The following HHAT variants were observed in gnomAD, a reference collection of about 807,000 sequenced individuals.
The protein encoded by HHAT is protein-cysteine N-palmitoyltransferase HHAT.
Under a neutral mutation model 70.8 loss-of-function variants are expected in HHAT, and 47 were observed. The ratio of observed to expected loss-of-function variants is 0.66; its 90% CI spans 0.53 to 0.85. The LOEUF (loss-of-function observed/expected upper bound fraction) is 0.85, where lower values mean the gene tolerates loss of function less well. Among genes scored for constraint, HHAT ranks in the 40% least tolerant of loss-of-function variants. HHAT has a pLI of 0.00. For synonymous variants in HHAT, 228 were observed against 247.6 expected (o/e 0.92, Z 0.74); for missense variants, 609 against 604.8 (o/e 1.01, Z -0.07).
intron 4 of HHAT, among the ~76,000 whole-genome samples, chr1:210,399,372 T>G: frequency 6.6e-6 from 1 of 152,174 alleles, no homozygotes; most frequent in East Asian, 1.9e-4. Flanking sequence ...TTCTCCTGCC[T>G]CAGCCTCCCG....
chr1:210,382,135 A>G (rs1023722161), intron 3 of HHAT, among the ~76,000 whole-genome samples: 19 of 152,170 alleles, frequency 1.2e-4, no homozygotes, highest in African/African-American at 4.6e-4. Context: ...AGAAGGAGGA[A>G]AGATTTACTC....
chr1:210,372,054 A>G (rs920641817), intron 3 of HHAT, among the ~76,000 whole-genome samples: 1 of 152,228 alleles, frequency 6.6e-6, no homozygotes, highest in Non-Finnish European at 1.5e-5. Context: ...CAACAAGTTT[A>G]TACTCTATTT....
chr1:210,606,628 A>G lies in HHAT; in HGVS notation c.1246-16898A>G, dbSNP rs79975252. ...CTTCCCTTCTCCTCTCTCCTTTAAC[A>G]AATCCCTGTTTCTTTGTGCTGGGTC... On this transcript the variant is annotated intron_variant, in intron 10 of 11. Coordinates refer to ENST00000261458, the MANE Select transcript of HHAT (RefSeq NM_018194.6). Among the ~76,000 whole-genome samples, 6 of 152,154 alleles carry G rather than the reference A, an allele frequency of 3.9e-5. No homozygotes were observed. In the East Asian group the frequency reaches 1.2e-3, roughly 29 times the overall value.
At chr1:210,429,476 C>T (rs2093176920) in intron 7 of HHAT, among the ~76,000 whole-genome samples, 2 of 151,836 alleles carry the variant, frequency 1.3e-5, no homozygotes, top group Admixed American at 1.3e-4. Flanking sequence ...GAATGTCCCA[C>T]ACACTGGATT....
Position 210,438,169 on chromosome 1 carries a change from C to T in HHAT, c.856+19844C>T, listed in dbSNP as rs531079390. Among the ~76,000 whole-genome samples, 6 of 137,258 alleles carry T rather than the reference C, an allele frequency of 4.4e-5. No homozygotes were observed. The South Asian group carries it at 9.0e-4, about 21-fold the overall frequency. The allele number at this position is 137,258 out of a possible 152,430, so 90.0% of individuals were successfully genotyped here. On this transcript the variant is annotated intron_variant, in intron 7 of 11. Transcript: ENST00000261458. ...ACTTAATTGTGACCTCAGGATTCTC[C>T]GTGTTTGTGTGTGTGTGTGTGTGTG...
chr1:210,486,867 C>G (rs572426262), intron 8 of HHAT, among the ~76,000 whole-genome samples: 1 of 152,286 alleles, frequency 6.6e-6, no homozygotes, highest in East Asian at 1.9e-4. Flanking sequence ...AAATCCTGCA[C>G]AGGCTGCCAG....
chr1:210,666,192 G>A (rs1162030808), intron 11 of HHAT, among the ~76,000 whole-genome samples: 1 of 152,230 alleles, frequency 6.6e-6, no homozygotes, highest in Non-Finnish European at 1.5e-5. Context: ...GTGAGCCTCT[G>A]ATGGGGTAAT....
At chr1:210,611,690 G>A (rs6681708) in intron 10 of HHAT, among the ~76,000 whole-genome samples, 25,809 of 152,104 alleles carry the variant, frequency 0.17, 2,919 homozygotes, top group Non-Finnish European at 0.25. Flanking sequence ...TCAATACCTA[G>A]TTTATTGAGA....
At chr1:210,632,071 C>T (rs1450504209) in intron 11 of HHAT, among the ~76,000 whole-genome samples, 9 of 152,154 alleles carry the variant, frequency 5.9e-5, no homozygotes, top group African/African-American at 9.7e-5. Context: ...TCCCAGCTGC[C>T]GGTGGCTGCC....
intron 9 of HHAT, among the ~76,000 whole-genome samples, chr1:210,525,607 T>C (rs1382389240): frequency 1.3e-5 from 2 of 152,200 alleles, no homozygotes; most frequent in South Asian, 2.1e-4. Flanking sequence ...TATATTTGAA[T>C]TTATTAATGA....
At chr1:210,540,235 C>T (rs1413919111) in intron 9 of HHAT, among the ~76,000 whole-genome samples, 1 of 152,132 alleles carries the variant, frequency 6.6e-6, no homozygotes, top group Non-Finnish European at 1.5e-5. Flanking sequence ...AGGCAATAAT[C>T]CTGTAATCTG....
intron 9 of HHAT, among the ~76,000 whole-genome samples, chr1:210,540,872 G>A (rs1346140214): frequency 6.6e-6 from 1 of 151,508 alleles, no homozygotes; most frequent in Admixed American, 6.6e-5. Context: ...ACAGTGTATC[G>A]CTCTGTTGCC....
chr1:210,565,764 G>A (rs1654578957), intron 9 of HHAT, among the ~76,000 whole-genome samples: 1 of 152,176 alleles, frequency 6.6e-6, no homozygotes, highest in South Asian at 2.1e-4. Flanking sequence ...GGAGAGTCAG[G>A]ACCAAGCAGT....
Position 210,582,562 on chromosome 1 carries a change from G to A in HHAT, c.1044-5336G>A, listed in dbSNP as rs186122062. ...AGTGTTGCGATTTTAAGATTAATGCGTTTACCACATGGATTGTTACCACCC... is the reference window on the plus strand; with the variant it reads ...AGTGTTGCGATTTTAAGATTAATGCATTTACCACATGGATTGTTACCACCC... On this transcript the variant is annotated intron_variant, in intron 9 of 11. Transcript: ENST00000261458. 1.7e-3 allele frequency among the ~76,000 whole-genome samples: 254 copies of A among 152,306 alleles called. 2 individuals are homozygous for A. Among genetic ancestry groups the A allele is most frequent in the Non-Finnish European group, 3.1e-3 (209 of 68,036 alleles).
Position 210,675,502 on chromosome 1 carries a change from A to C in HHAT, c.*1123A>C, listed in dbSNP as rs1487302125. ...TTTGGAGTGGGGAAGGGTATAAAGG[A>C]GGCTTAAAATTTGAATCCATAATAT... On this transcript the variant is annotated 3_prime_UTR_variant, in exon 12 of 12. Coordinates refer to ENST00000261458, the MANE Select transcript of HHAT (RefSeq NM_018194.6). 4 of 151,284 alleles carry C rather than the reference A, an allele frequency of 2.6e-5. No homozygotes were observed. Among genetic ancestry groups the C allele is most frequent in the African/African-American group, 9.7e-5 (4 of 41,088 alleles). 9.4% of individuals were successfully genotyped at this position (151,284 alleles called of 1,614,324 possible). A position where few individuals can be genotyped will look rare whatever the true frequency, so the allele number is the denominator to read the frequency against.
intron 9 of HHAT, among the ~76,000 whole-genome samples, chr1:210,574,384 A>T (rs888576809): frequency 6.6e-6 from 1 of 152,172 alleles, no homozygotes; most frequent in Admixed American, 6.5e-5. Flanking sequence ...GACTGATAAG[A>T]TGAAATTAGT....
intron 9 of HHAT, among the ~76,000 whole-genome samples, chr1:210,563,256 G>A (rs951116335): frequency 1.3e-5 from 2 of 152,150 alleles, no homozygotes; most frequent in Non-Finnish European, 2.9e-5. Flanking sequence ...TCCAAATATA[G>A]CTAAGAAAAT....
chr1:210,614,135 T>G (rs1423170521), intron 10 of HHAT, among the ~76,000 whole-genome samples: 1 of 152,122 alleles, frequency 6.6e-6, no homozygotes, highest in Non-Finnish European at 1.5e-5. Context: ...TTTGCCTCCC[T>G]AGTTAAGTTT....
chr1:210,626,092 G>A (rs1037375127), intron 11 of HHAT, among the ~76,000 whole-genome samples: 4 of 152,190 alleles, frequency 2.6e-5, no homozygotes, highest in Non-Finnish European at 5.9e-5. Context: ...GGGGTCAAGG[G>A]CGTAAAGATT....
Sources: gnomAD v4.1 joint callset for allele counts (sites outside exome capture counted in the v4.1 genomes callset) on GRCh38, gnomAD v4.1.1 for gene constraint, MANE v1.5 for transcripts, NCBI Gene and HGNC (gene_info 2026-07-23, HGNC 2026-07-21) for gene names.